The following GTF3C5 variants were observed in gnomAD, a reference collection of about 807,000 sequenced individuals.
GTF3C5 encodes the protein general transcription factor IIIC subunit 5, also known as general transcription factor 3C polypeptide 5.
GTF3C5 carries 47 observed loss-of-function variants against 61.0 expected under a neutral mutation model. That is an observed-to-expected ratio of 0.77 (90% confidence interval 0.61 to 0.98). The LOEUF (loss-of-function observed/expected upper bound fraction) is 0.98. Among genes scored for constraint, GTF3C5 ranks in the 50% least tolerant of loss-of-function variants. GTF3C5 has a pLI of 0.00. For missense variants in GTF3C5, 659 were observed against 703.3 expected, an observed-to-expected ratio of 0.94 and a Z score of 0.71; for synonymous variants, 295 against 275.4, an observed-to-expected ratio of 1.07 and a Z score of -0.71.
chr9:133,054,058 C>A (rs1829843785), intron 6 of GTF3C5, 116 bp downstream of exon 6: 1 of 744,366 alleles, frequency 1.3e-6, no homozygotes, highest in Non-Finnish European at 2.2e-6. Flanking sequence ...AAACCTTTTG[C>A]CCCCGTTGCT....
At chr9:133,050,752 T>C (rs747027266) in intron 3 of GTF3C5, 31 bp from the exon 4 acceptor site, 3 of 1,548,434 alleles carry the variant, frequency 1.9e-6, no homozygotes, top group Non-Finnish European at 2.6e-6. Flanking sequence ...GCCTTGGTGC[T>C]CCTGTTCTCA....
At chr9:133,055,822 G>T (rs1012259094) in intron 8 of GTF3C5, 190 bp from the exon 9 acceptor site, 1 of 1,397,856 alleles carries the variant, frequency 7.2e-7, no homozygotes, top group Non-Finnish European at 9.3e-7. Flanking sequence ...CTCTCCCAGA[G>T]CCTCCTGGGG....
At chr9:133,045,488 G>A (rs868437720) in intron 3 of GTF3C5, among the ~76,000 whole-genome samples, 4 of 152,182 alleles carry the variant, frequency 2.6e-5, no homozygotes, top group South Asian at 2.1e-4. Context: ...CAGAAGTAGC[G>A]ACTTGGCCTG....
chr9:133,038,766 T>C (rs1034546752), intron 1 of GTF3C5, among the ~76,000 whole-genome samples: 8 of 151,696 alleles, frequency 5.3e-5, no homozygotes, highest in African/African-American at 1.9e-4. Flanking sequence ...TCCTAGGGGC[T>C]TTTTTTTCAT....
chr9:133,056,689 G>A, intron 9 of GTF3C5, 77 bp from the exon 10 acceptor site: 1 of 1,417,812 alleles, frequency 7.1e-7, no homozygotes, highest in Non-Finnish European at 9.5e-7. Context: ...CTCTGCCTCT[G>A]GCAAAAACCA....
At chr9:133,040,479 G>A (rs1029855965) in intron 1 of GTF3C5, among the ~76,000 whole-genome samples, 1 of 152,202 alleles carries the variant, frequency 6.6e-6, no homozygotes, top group African/African-American at 2.4e-5. Flanking sequence ...TAGGCACCAG[G>A]AGCTGTGCTT....
rs760895697 is a variant in GTF3C5 at position 133,051,973 on chromosome 9, G to T, written c.769-87G>T. The T allele has an allele frequency of 5.9e-5, 39 of 664,172 alleles. No individual in the cohort carries two copies. In the African/African-American group the frequency reaches 6.3e-4, roughly 11 times the overall value. 41.1% of individuals were successfully genotyped at this position (664,172 alleles called of 1,614,324 possible). ...CTACCAGCTCCTCTCTGGAGGGGCC[G>T]CTGGGGCCCAGAACATGTTGGGAGT... is the stretch of plus-strand genomic sequence containing the variant. On this transcript the variant is annotated intron_variant, in intron 4 of 10. Coordinates refer to ENST00000372097, the MANE Select transcript of GTF3C5 (RefSeq NM_012087.4).
chr9:133,044,146 C>CA (rs34524914), intron 3 of GTF3C5: 25,117 of 105,190 alleles, frequency 0.24, 1,159 homozygotes, highest in Non-Finnish European at 0.28. Context: ...CTTTGTCTCC[C>CA]AAAAAAAAAA....
At chr9:133,031,391 T>C (rs1849728714) in intron 1 of GTF3C5, among the ~76,000 whole-genome samples, 1 of 152,096 alleles carries the variant, frequency 6.6e-6, no homozygotes, top group South Asian at 2.1e-4. Flanking sequence ...CGCTCTTGTT[T>C]CCCAGGCTGG....
intron 8 of GTF3C5, 190 bp downstream of exon 8, chr9:133,054,999 G>A: frequency 6.4e-7 from 1 of 1,551,738 alleles, no homozygotes; most frequent in Middle Eastern, 1.7e-4. Flanking sequence ...AGGGCTGTGT[G>A]TGTTGGGGAC....
intron 8 of GTF3C5, 112 bp downstream of exon 8, chr9:133,054,921 C>T: frequency 3.2e-6 from 5 of 1,547,272 alleles, no homozygotes; most frequent in South Asian, 1.2e-5. Context: ...CCACCGGGGC[C>T]TCGGCACCTT....
At chr9:133,051,650 C>T (rs892524718) in intron 4 of GTF3C5, among the ~76,000 whole-genome samples, 1 of 152,234 alleles carries the variant, frequency 6.6e-6, no homozygotes, top group African/African-American at 2.4e-5. Flanking sequence ...CCTTTGCAGT[C>T]CTCCCCGGGC....
chr9:133,031,210 CAAAG>C (rs774691483), intron 1 of GTF3C5, 46 bp downstream of exon 1: 21 of 1,487,798 alleles, frequency 1.4e-5, no homozygotes, highest in Middle Eastern at 1.9e-4. Context: ...CTCGGAGTCG[CAAAG>C]AAAACGAGCA....
rs370682823 is a variant in GTF3C5 at position 133,053,911 on chromosome 9, C to T, written c.957C>T (p.Leu319=). ...KNPDAKIYQV[L]DFRIRCGMKH... ...CAGATGCCAAGATTTATCAAGTCCT[C>T]GATTTCCGAATCCGTTGTGGAATGA... Residue 319 remains leucine (L), a synonymous_variant, in exon 6 of 11, where the codon CTC becomes CTT. Coordinates refer to ENST00000372097, the MANE Select transcript of GTF3C5 (RefSeq NM_012087.4). The T allele has an allele frequency of 3.8e-5, 61 of 1,612,408 alleles. No individual in the cohort carries two copies. The East Asian group carries it at 7.8e-4, about 21-fold the overall frequency.
Position 133,039,401 on chromosome 9 carries a change from ATTTTTATT to A in GTF3C5, c.154-2673_154-2666del, listed in dbSNP as rs558772287. Among the ~76,000 whole-genome samples the A allele has an allele frequency of 1.1e-3, 172 of 151,994 alleles. No individual in the cohort carries two copies. In the South Asian group the frequency reaches 0.014, roughly 13 times the overall value. On this transcript the variant is annotated intron_variant, in intron 1 of 10. Coordinates refer to ENST00000372097, the MANE Select transcript of GTF3C5 (RefSeq NM_012087.4). ...CTTTTGTTCACTTCTGTACTTCTTT[ATTTTTATT>A]TTTTTATTTTTTGAGACAGGGTTTC...
intron 1 of GTF3C5, among the ~76,000 whole-genome samples, chr9:133,034,042 G>A (rs945168177): frequency 2.6e-5 from 4 of 152,190 alleles, no homozygotes; most frequent in East Asian, 1.9e-4. Context: ...ATGGGATCCC[G>A]TCCTGTAACA....
rs979890294 is a variant in GTF3C5, at chr9:133,031,046, C to A, written c.35C>A (p.Ala12Asp). ...GAGGCGGCCGATTTGGGGCTGGGGG[C>A]CGCCGTCCCCGTGGAGCTGAGGCGG... is the stretch of plus-strand genomic sequence containing the variant. ...AAEAADLGLG[A>D]AVPVELRRER... The change falls in exon 1 of 11, where the codon GCC (alanine) becomes GAC (aspartate). Residue 12 changes from alanine (A) to aspartate (D), a missense_variant. Ala to Asp is a moderately radical substitution (Grantham distance 126). Transcript: ENST00000372097. 5 of 1,611,756 alleles carry A rather than the reference C, an allele frequency of 3.1e-6. No individual in the cohort carries two copies. The African/African-American group carries it at 4.0e-5, about 13-fold the overall frequency.
At chr9:133,048,405 G>A (rs551305148) in intron 3 of GTF3C5, among the ~76,000 whole-genome samples, 1 of 152,318 alleles carries the variant, frequency 6.6e-6, no homozygotes, top group South Asian at 2.1e-4. Context: ...GCTGAGGCAG[G>A]AGAATGGCGT....
chr9:133,057,296 C>G (rs1248690767), intron 10 of GTF3C5, among the ~76,000 whole-genome samples: 1 of 152,234 alleles, frequency 6.6e-6, no homozygotes, highest in Non-Finnish European at 1.5e-5. Flanking sequence ...TTCCTGGAAC[C>G]AGGCAGCCCT....
Sources: gnomAD v4.1 joint callset for allele counts (sites outside exome capture counted in the v4.1 genomes callset) on GRCh38, gnomAD v4.1.1 for gene constraint, MANE v1.5 for transcripts, NCBI Gene and HGNC (gene_info 2026-07-23, HGNC 2026-07-21) for gene names.